The following CFAP44 variants were observed in gnomAD, a reference collection of about 807,000 sequenced individuals.
CFAP44 encodes the protein cilia- and flagella-associated protein 44.
A neutral mutation model predicts 216.2 loss-of-function variants in CFAP44; 134 were observed. The observed-to-expected ratio is 0.62, with a 90% CI of 0.54 to 0.72. CFAP44 has a LOEUF of 0.72. Among genes scored for constraint, CFAP44 ranks in the 30% least tolerant of loss-of-function variants. The pLI, the probability that CFAP44 is intolerant of heterozygous loss-of-function variation, is 0.00. For missense variants in CFAP44, 2,035 were observed against 2,182.1 expected (o/e 0.93, Z 1.34); for synonymous variants, 700 against 727.6 (o/e 0.96, Z 0.61).
rs1576557166 is a variant in CFAP44 at position 113,341,904 on chromosome 3, T to G, written c.3277A>C (p.Ile1093Leu). The change falls in exon 24 of 35, where the codon ATA becomes CTA. Residue 1093 changes from isoleucine to leucine, a missense_variant. Around this residue, in one of 3 missense-constraint regions of CFAP44, gnomAD observed 1,883 missense variants for 2,023.7 expected, o/e 0.93. Transcript: ENST00000393845. The part of the protein sequence containing the change: ...SQRDAGGSVT[I>L]QEESIIEKGK... ...TTTTCTATTATTGATTCTTCTTGTA[T>G]GGTAACACTCCCACCTACATAGAGA... The G allele has an allele frequency of 3.9e-6, 6 of 1,529,786 alleles. No homozygotes were observed. The East Asian group carries it at 1.5e-4, about 38-fold the overall frequency. 94.8% of individuals were successfully genotyped at this position (1,529,786 alleles called of 1,614,324 possible).
At chr3:113,362,293 T>C (rs781031925) in intron 21 of CFAP44, among the ~76,000 whole-genome samples, 8 of 151,722 alleles carry the variant, frequency 5.3e-5, no homozygotes, top group Non-Finnish European at 1.0e-4. Flanking sequence ...CAGGAGGGGG[T>C]GGCAAGGTGA....
At chr3:113,361,719 C>T (rs1419810365) in intron 21 of CFAP44, among the ~76,000 whole-genome samples, 2 of 151,758 alleles carry the variant, frequency 1.3e-5, no homozygotes, top group Non-Finnish European at 2.9e-5. Context: ...AGGATGCTCT[C>T]GAACTCCTGA....
At chr3:113,311,475 T>C (rs1422859581) in intron 28 of CFAP44, among the ~76,000 whole-genome samples, 1 of 152,228 alleles carries the variant, frequency 6.6e-6, no homozygotes, top group Non-Finnish European at 1.5e-5. Flanking sequence ...TCATTTTCTC[T>C]TGCTGCCACC....
chr3:113,304,571 TA>T (rs1424211569), intron 31 of CFAP44, among the ~76,000 whole-genome samples: 1 of 152,204 alleles, frequency 6.6e-6, no homozygotes, highest in African/African-American at 2.4e-5. Flanking sequence ...CAATTTAATA[TA>T]AGTTGCAATT....
chr3:113,306,525 G>C (rs1194773846), intron 29 of CFAP44, among the ~76,000 whole-genome samples, 194 bp from the exon 30 acceptor site: 1 of 152,118 alleles, frequency 6.6e-6, no homozygotes, highest in Non-Finnish European at 1.5e-5. Context: ...AATAATAATA[G>C]TATTGATGTT....
At chr3:113,352,613 A>G (rs1300065865) in intron 22 of CFAP44, among the ~76,000 whole-genome samples, 1 of 152,246 alleles carries the variant, frequency 6.6e-6, no homozygotes, top group Non-Finnish European at 1.5e-5. Flanking sequence ...CATTTACAAT[A>G]TGTAGAATAA....
At position 113,395,783 on chromosome 3, in the gene CFAP44, A is replaced by G; in HGVS notation, c.1857T>C (p.Pro619=). The change falls in exon 15 of 35, where the codon CCT becomes CCC. Residue 619 remains proline (P), a synonymous_variant. Coordinates refer to ENST00000393845, the MANE Select transcript of CFAP44 (RefSeq NM_001164496.2). ...KPIGYINTPG[P]VCQLMWSPMS... is the part of the protein sequence containing the mutation. ...TGGGAGACCACATTAACTGACACAC[A>G]GGTCCAGGAGTATTAATATAACCAA... The G allele has an allele frequency of 6.2e-7, 1 of 1,612,876 alleles. No individual in the cohort carries two copies. The highest frequency in any genetic ancestry group is 2.2e-5 in the East Asian group (1 of 44,798).
At chr3:113,300,818 T>C (rs1041082559) in intron 32 of CFAP44, among the ~76,000 whole-genome samples, 1 of 152,106 alleles carries the variant, frequency 6.6e-6, no homozygotes, top group African/African-American at 2.4e-5. Flanking sequence ...ACTTTCCAGT[T>C]TGGCAAAAAT....
chr3:113,409,437 A>T (rs1934392030), intron 6 of CFAP44, 115 bp from the exon 7 acceptor site: 1 of 873,392 alleles, frequency 1.1e-6, no homozygotes. Context: ...TGCCAAGAAT[A>T]CCCTAAAGGA....
rs374693809 is a variant in CFAP44, at chr3:113,330,395, T to G, written c.3889A>C (p.Thr1297Pro). Residue 1297 changes from threonine (T) to proline (P), a missense_variant, in exon 26 of 35, where the codon ACA becomes CCA. Physicochemically the swap from Thr to Pro is conservative, Grantham distance 38. Transcript: ENST00000393845. ...CCTCCAACTGGGCCTCCAGACCCTG[T>G]CTGTTCCACTCCGGGGGACTTTTCA... ...KDEKSPGVEQ[T>P]GSGGPVGGFL... 9.8e-5 allele frequency: 150 copies of G among 1,537,280 alleles called. No individual in the cohort carries two copies. The highest frequency in any genetic ancestry group is 1.2e-4 in the Non-Finnish European group (132 of 1,146,932).
chr3:113,404,080 A>C, intron 8 of CFAP44, 64 bp from the exon 9 acceptor site: 1 of 1,400,030 alleles, frequency 7.1e-7, no homozygotes, highest in Non-Finnish European at 9.4e-7. Flanking sequence ...TTTATGCCTC[A>C]AATAGTAGGT....
chr3:113,401,261 A>C lies in CFAP44; in HGVS notation c.1353T>G (p.Leu451=). The C allele has an allele frequency of 6.3e-7, 1 of 1,588,312 alleles. No homozygotes were observed. Among genetic ancestry groups the C allele is most frequent in the Non-Finnish European group, 8.5e-7 (1 of 1,172,070 alleles). ...AQDANGAIWK[L]DLSFSNITQD... ...TTACAATATTTGAAAAACTAAGGTC[A>C]AGCTTCCATATGGCTCCATTGGCAT... Residue 451 remains leucine, a synonymous_variant, in exon 11 of 35, where the codon CTT becomes CTG. Coordinates refer to ENST00000393845, the MANE Select transcript of CFAP44 (RefSeq NM_001164496.2).
At chr3:113,346,953 C>T (rs999181326) in intron 22 of CFAP44, among the ~76,000 whole-genome samples, 6 of 152,168 alleles carry the variant, frequency 3.9e-5, no homozygotes, top group East Asian at 3.8e-4. Flanking sequence ...CGCGAAGGCC[C>T]GTGGCTTCAT....
Position 113,427,187 on chromosome 3 carries a change from C to T in CFAP44, c.253G>A (p.Val85Ile), listed in dbSNP as rs780086350. The change falls in exon 3 of 35, where the codon GTA becomes ATA. Residue 85 changes from valine to isoleucine, a missense_variant and splice_region_variant. Val to Ile is a conservative substitution (Grantham distance 29). Coordinates refer to ENST00000393845, the MANE Select transcript of CFAP44 (RefSeq NM_001164496.2). ...FQYGDLQSTTVPQQTPAPAVE... is the reference protein window; with the variant it reads ...FQYGDLQSTTIPQQTPAPAVE... ...CTGACAGAAAACTAATAATACCTAC[C>T]TGTAGTGCTTTGCAAATCACCATAC... 1.2e-6 allele frequency: 2 copies of T among 1,612,032 alleles called. No homozygotes were observed. Among genetic ancestry groups the T allele is most frequent in the African/African-American group, 1.3e-5 (1 of 74,988 alleles).
chr3:113,296,849 T>G lies in CFAP44; in HGVS notation c.5114A>C (p.Lys1705Thr), dbSNP rs1949886882. 1.3e-6 allele frequency: 2 copies of G among 1,537,350 alleles called. No homozygotes were observed. Among genetic ancestry groups the G allele is most frequent in the East Asian group, 4.9e-5 (2 of 40,916 alleles). Residue 1705 changes from lysine (K) to threonine (T), a missense_variant, in exon 33 of 35, where the codon AAG becomes ACG. Lys to Thr is a moderately conservative substitution (Grantham distance 78). Coordinates refer to ENST00000393845, the MANE Select transcript of CFAP44 (RefSeq NM_001164496.2). ...TTCTAGATTTACCACACGGCCAAAC[T>G]TGCTGATCATGAGCTGCCGGACTGT... ...EETVRQLMISKFGRVVNLEAL... is the reference protein window; with the variant it reads ...EETVRQLMISTFGRVVNLEAL...
chr3:113,308,230 A>G lies in CFAP44; in HGVS notation c.4555T>C (p.Ser1519Pro). 1 of 1,536,380 alleles carries G rather than the reference A, an allele frequency of 6.5e-7. No homozygotes were observed. The highest frequency in any genetic ancestry group is 1.2e-5 in the South Asian group (1 of 83,782). Residue 1519 changes from serine to proline, a missense_variant, in exon 29 of 35, where the codon TCT becomes CCT. Ser to Pro is a moderately conservative substitution (Grantham distance 74). Around this residue, in one of 3 missense-constraint regions of CFAP44, gnomAD observed 1,883 missense variants for 2,023.7 expected, o/e 0.93. Coordinates refer to ENST00000393845, the MANE Select transcript of CFAP44 (RefSeq NM_001164496.2). ...EESEESSEEE[S>P]SLESDEDESE... ...TCATCTTCATCACTCTCCAAGCTAG[A>G]TTCTTCTTCACTTGATTCCTCACTC...
At chr3:113,316,946 G>C (rs900142732) in intron 28 of CFAP44, among the ~76,000 whole-genome samples, 3 of 151,536 alleles carry the variant, frequency 2.0e-5, no homozygotes, top group African/African-American at 4.8e-5. Context: ...CTCCCACTGA[G>C]AGAGCCTAAA....
intron 22 of CFAP44, among the ~76,000 whole-genome samples, chr3:113,350,080 G>A (rs952734919): frequency 6.6e-6 from 1 of 152,166 alleles, no homozygotes; most frequent in African/African-American, 2.4e-5. Context: ...CAACGAGGTG[G>A]CAGTCTTACA....
intron 24 of CFAP44, among the ~76,000 whole-genome samples, chr3:113,338,748 A>G (rs552694457): frequency 1.1e-4 from 17 of 152,304 alleles, no homozygotes; most frequent in African/African-American, 3.1e-4. Flanking sequence ...TGTAGGGAGA[A>G]GGGGACCTTG....
Sources: gnomAD v4.1 joint callset for allele counts (sites outside exome capture counted in the v4.1 genomes callset) on GRCh38, gnomAD v4.1.1 for gene constraint, gnomAD v4.1.1 regional missense constraint, MANE v1.5 for transcripts, NCBI Gene and HGNC (gene_info 2026-07-23, HGNC 2026-07-21) for gene names.